Variants in CDH8 observed in about 807,000 individuals in gnomAD.
CDH8 encodes the protein cadherin-8.
CDH8 carries 17 observed loss-of-function variants against 68.1 expected under a neutral mutation model. That is an observed-to-expected ratio of 0.25 (90% CI 0.17 to 0.37). The LOEUF (loss-of-function observed/expected upper bound fraction) is 0.37. Ranked by LOEUF, CDH8 falls within the 10% of genes least tolerant of loss-of-function variation. The pLI, the probability that CDH8 is intolerant of heterozygous loss-of-function variation, is 1.00. For missense variants in CDH8, 763 were observed against 999.3 expected (o/e 0.76, Z 3.19); for synonymous variants, 372 against 365.1 (o/e 1.02, Z -0.21).
intron 2 of CDH8, among the ~76,000 whole-genome samples, chr16:62,016,206 G>A (rs1901937056): frequency 6.6e-6 from 1 of 152,064 alleles, no homozygotes; most frequent in Non-Finnish European, 1.5e-5. Context: ...ATTCCTTCAT[G>A]TCAGAGTACT....
chr16:61,971,707 G>A (rs1965343364), intron 2 of CDH8, among the ~76,000 whole-genome samples: 1 of 152,180 alleles, frequency 6.6e-6, no homozygotes, highest in African/African-American at 2.4e-5. Flanking sequence ...TTTGGAGGGT[G>A]GGGTTGAAAT....
chr16:61,898,226 G>A, intron 3 of CDH8, among the ~76,000 whole-genome samples: 1 of 152,096 alleles, frequency 6.6e-6, no homozygotes, highest in Non-Finnish European at 1.5e-5. Flanking sequence ...CATGAAACAG[G>A]GAGGCGGAGT....
chr16:62,012,060 G>T (rs980689932), intron 2 of CDH8, among the ~76,000 whole-genome samples: 3 of 152,214 alleles, frequency 2.0e-5, no homozygotes, highest in Admixed American at 1.3e-4. Context: ...TAATGGAAAT[G>T]ATATGTACAG....
chr16:61,710,384 T>G (rs866722405), intron 10 of CDH8, among the ~76,000 whole-genome samples: 7 of 152,080 alleles, frequency 4.6e-5, no homozygotes, highest in Non-Finnish European at 2.9e-5. Flanking sequence ...TTATGGACAA[T>G]GAGGTAACAC....
chr16:61,906,660 A>G (rs7184371), intron 2 of CDH8, among the ~76,000 whole-genome samples: 82,549 of 152,114 alleles, frequency 0.54, 24,780 homozygotes, highest in African/African-American at 0.82. Flanking sequence ...CTAGTAAGGT[A>G]TCTGGCATAT....
At chr16:61,877,458 C>T (rs533542915) in intron 3 of CDH8, among the ~76,000 whole-genome samples, 4 of 152,054 alleles carry the variant, frequency 2.6e-5, no homozygotes, top group African/African-American at 9.7e-5. Flanking sequence ...CCTATGAAGA[C>T]TTTAGAATTT....
intron 2 of CDH8, among the ~76,000 whole-genome samples, chr16:61,976,687 TAAG>T (rs1965440796): frequency 6.6e-6 from 1 of 152,196 alleles, no homozygotes; most frequent in Non-Finnish European, 1.5e-5. Flanking sequence ...GAAACAGTAT[TAAG>T]AAGGACAGTT....
intron 8 of CDH8, among the ~76,000 whole-genome samples, chr16:61,770,826 C>G (rs73560921): frequency 0.029 from 4,375 of 151,948 alleles, 199 homozygotes; most frequent in African/African-American, 0.1. Flanking sequence ...CACCGCCAGG[C>G]CAGGAACTAG....
chr16:61,959,144 T>G (rs1965034863), intron 2 of CDH8, among the ~76,000 whole-genome samples: 1 of 152,090 alleles, frequency 6.6e-6, no homozygotes, highest in South Asian at 2.1e-4. Context: ...CTCACCTTCA[T>G]CTAACTTAAA....
intron 5 of CDH8, among the ~76,000 whole-genome samples, chr16:61,824,346 C>G (rs77789553): frequency 0.027 from 4,036 of 151,916 alleles, 189 homozygotes; most frequent in African/African-American, 0.092. Context: ...TTTCATGTTT[C>G]AATTCAAGAG....
intron 1 of CDH8, chr16:62,034,952 T>A (rs1596828165): frequency 1.3e-5 from 2 of 152,248 alleles, no homozygotes; most frequent in Admixed American, 6.5e-5. Context: ...AAACGGCTAG[T>A]CCTTGACATG....
intron 2 of CDH8, among the ~76,000 whole-genome samples, chr16:61,937,294 T>C (rs1366884054): frequency 1.3e-5 from 2 of 152,148 alleles, no homozygotes; most frequent in African/African-American, 4.8e-5. Context: ...TTGCTTACTA[T>C]AGCATGATTT....
intron 7 of CDH8, among the ~76,000 whole-genome samples, chr16:61,807,280 C>A (rs1483413733): frequency 7.4e-6 from 1 of 136,024 alleles, no homozygotes; most frequent in African/African-American, 2.8e-5. Context: ...AATGAGATCA[C>A]ATGGACACAG....
chr16:61,936,427 C>T (rs1010999378), intron 2 of CDH8, among the ~76,000 whole-genome samples: 9 of 152,102 alleles, frequency 5.9e-5, no homozygotes, highest in Non-Finnish European at 1.2e-4. Context: ...TCTCACAACT[C>T]GGGGCAGTAG....
At chr16:61,873,514 A>G (rs1248173051) in intron 3 of CDH8, among the ~76,000 whole-genome samples, 1 of 152,238 alleles carries the variant, frequency 6.6e-6, no homozygotes, top group East Asian at 1.9e-4. Flanking sequence ...AGTTATGTGG[A>G]ACAGAGTAAG....
At chr16:61,774,762 A>G (rs1960864565) in intron 8 of CDH8, among the ~76,000 whole-genome samples, 1 of 152,122 alleles carries the variant, frequency 6.6e-6, no homozygotes, top group Non-Finnish European at 1.5e-5. Context: ...CAGGGAACTT[A>G]ACTATTTCTG....
chr16:61,855,592 CA>C (rs1963028539), intron 4 of CDH8, among the ~76,000 whole-genome samples: 1 of 152,088 alleles, frequency 6.6e-6, no homozygotes, highest in Admixed American at 6.6e-5. Flanking sequence ...GTCTATTTTG[CA>C]GTGGCAATGG....
intron 2 of CDH8, among the ~76,000 whole-genome samples, chr16:61,946,220 C>T (rs1964799180): frequency 6.6e-6 from 1 of 152,170 alleles, no homozygotes; most frequent in Non-Finnish European, 1.5e-5. Context: ...AGAAGACCAC[C>T]AGGTGTCCTC....
At chr16:61,884,534 C>T (rs1003838704) in intron 3 of CDH8, among the ~76,000 whole-genome samples, 69 of 151,956 alleles carry the variant, frequency 4.5e-4, no homozygotes, top group Admixed American at 1.8e-3. Context: ...CCACCACACC[C>T]GGCTAATTTT....
Sources: allele counts gnomAD v4.1 joint callset (sites outside exome capture counted in the v4.1 genomes callset), GRCh38; gene constraint gnomAD v4.1.1; transcripts MANE v1.5; gene names NCBI Gene and HGNC (gene_info 2026-07-23, HGNC 2026-07-21).